The following DMRT1 variants were observed in gnomAD, a reference collection of about 807,000 sequenced individuals.
DMRT1 encodes the protein doublesex and mab-3 related transcription factor 1.
DMRT1 carries 7 observed loss-of-function variants against 32.3 expected under a neutral mutation model. The ratio of observed to expected loss-of-function variants is 0.22; its 90% CI spans 0.12 to 0.41. The LOEUF (loss-of-function observed/expected upper bound fraction) is 0.41, where lower values mean the gene tolerates loss of function less well. DMRT1 is among the 10% of genes least tolerant of loss of function. DMRT1 has a pLI of 1.00. For synonymous variants in DMRT1, 278 were observed against 206.1 expected (o/e 1.35, Z -2.99); for missense variants, 625 against 500.5 (o/e 1.25, Z -2.37).
At chr9:853,743 G>A (rs1375587759) in intron 2 of DMRT1, among the ~76,000 whole-genome samples, 1 of 151,752 alleles carries the variant, frequency 6.6e-6, no homozygotes, top group African/African-American at 2.4e-5. Flanking sequence ...GACCTCAGGT[G>A]CTCCGCCTGC....
chr9:877,056 G>A (rs12343277), intron 2 of DMRT1, among the ~76,000 whole-genome samples: 6,936 of 122,764 alleles, frequency 0.056, 524 homozygotes, highest in African/African-American at 0.17. Context: ...CTCTCTGGGT[G>A]TAGAAACAAG....
intron 4 of DMRT1, among the ~76,000 whole-genome samples, chr9:934,883 C>A (rs1250930467): frequency 6.6e-6 from 1 of 152,126 alleles, no homozygotes; most frequent in East Asian, 1.9e-4. Context: ...ATCCTAAGCA[C>A]AAGCCTATAA....
chr9:959,358 A>G (rs1819696429), intron 4 of DMRT1, among the ~76,000 whole-genome samples: 1 of 152,184 alleles, frequency 6.6e-6, no homozygotes, highest in African/African-American at 2.4e-5. Flanking sequence ...CTGGGCTGAC[A>G]GGGTCCTGGT....
At chr9:844,555 T>C (rs936630490) in intron 1 of DMRT1, among the ~76,000 whole-genome samples, 2 of 150,868 alleles carry the variant, frequency 1.3e-5, no homozygotes, top group Non-Finnish European at 2.9e-5. Context: ...TTAAGCTTAA[T>C]TATTTAATTT....
In DMRT1 at chr9:877,239, A is replaced by G. The variant is rs532996460; in HGVS notation, c.539-16673A>G. 5.3e-5 allele frequency among the ~76,000 whole-genome samples: 8 copies of G among 152,350 alleles called. No individual in the cohort carries two copies. The East Asian group carries it at 1.5e-3, about 29-fold the overall frequency. On this transcript the variant is annotated intron_variant, in intron 2 of 4. Coordinates refer to ENST00000382276, the MANE Select transcript of DMRT1 (RefSeq NM_021951.3). ...TAATGTCAAAGAAGCTTTATTCCAAAGGAATAAAAAAATTGAGTGGTCTCG... is the reference window on the plus strand; with the variant it reads ...TAATGTCAAAGAAGCTTTATTCCAAGGGAATAAAAAAATTGAGTGGTCTCG...
chr9:907,663 G>A (rs1320494315), intron 3 of DMRT1, among the ~76,000 whole-genome samples: 1 of 152,122 alleles, frequency 6.6e-6, no homozygotes. Context: ...CTGTATTCCA[G>A]TATATATTTA....
intron 4 of DMRT1, among the ~76,000 whole-genome samples, chr9:958,527 C>G (rs1564277081): frequency 6.6e-6 from 1 of 152,108 alleles, no homozygotes; most frequent in African/African-American, 2.4e-5. Context: ...CCACCACACC[C>G]AGCTGATTTT....
chr9:853,591 G>C (rs1413604574), intron 2 of DMRT1, among the ~76,000 whole-genome samples: 2 of 151,170 alleles, frequency 1.3e-5, no homozygotes, highest in East Asian at 3.9e-4. Context: ...TCCTGTCTCA[G>C]CCTCCTGAAT....
chr9:933,247 G>A (rs539074429), intron 4 of DMRT1, among the ~76,000 whole-genome samples: 1 of 152,220 alleles, frequency 6.6e-6, no homozygotes, highest in East Asian at 1.9e-4. Context: ...CAAGGCTTAG[G>A]GTCTTTCGGG....
At chr9:885,566 T>C (rs1000100670) in intron 2 of DMRT1, among the ~76,000 whole-genome samples, 17 of 152,284 alleles carry the variant, frequency 1.1e-4, no homozygotes, top group African/African-American at 4.1e-4. Flanking sequence ...CTCTCGACGT[T>C]GAGCTGCTTG....
intron 2 of DMRT1, among the ~76,000 whole-genome samples, chr9:867,262 A>G (rs1479458431): frequency 6.6e-6 from 1 of 152,212 alleles, no homozygotes; most frequent in Non-Finnish European, 1.5e-5. Flanking sequence ...TTGTGTTTCC[A>G]GGATGCAGGA....
intron 2 of DMRT1, among the ~76,000 whole-genome samples, chr9:881,913 G>C (rs1816749376): frequency 6.6e-6 from 1 of 152,192 alleles, no homozygotes; most frequent in South Asian, 2.1e-4. Context: ...CTGGTATCTT[G>C]CCAATGGTAG....
intron 2 of DMRT1, among the ~76,000 whole-genome samples, chr9:883,414 T>C (rs1413635927): frequency 6.6e-6 from 1 of 151,934 alleles, no homozygotes; most frequent in Non-Finnish European, 1.5e-5. Context: ...TCCTCTCCCC[T>C]CAGTGAGGAG....
In DMRT1 at chr9:888,907, T is replaced by C. The variant is rs541892346; in HGVS notation, c.539-5005T>C. Reference sequence around the variant, plus strand: ...TTTGGGAGGGTAAGGCAGGAGGATATCTTGAGCCCAGGAGTTTGAGACCAG... The same window carrying C: ...TTTGGGAGGGTAAGGCAGGAGGATACCTTGAGCCCAGGAGTTTGAGACCAG... On this transcript the variant is annotated intron_variant, in intron 2 of 4. Coordinates refer to ENST00000382276, the MANE Select transcript of DMRT1 (RefSeq NM_021951.3). Among the ~76,000 whole-genome samples, 5 of 151,280 alleles carry C rather than the reference T, an allele frequency of 3.3e-5. No individual in the cohort carries two copies. In the South Asian group the frequency reaches 1.0e-3, roughly 32 times the overall value.
Position 968,073 on chromosome 9 carries a change from T to G in DMRT1, c.1056T>G (p.Leu352=), listed in dbSNP as rs1232718460. The G allele has an allele frequency of 6.2e-7, 1 of 1,614,168 alleles. No homozygotes were observed. The highest frequency in any genetic ancestry group is 1.1e-5 in the South Asian group (1 of 91,086). ...PISNKSTKAV[L]ECEPASEPSS... Reference sequence around the variant, plus strand: ...GTAACAAGAGCACAAAGGCAGTGCTTGAATGTGAGCCTGCGTCGGAGCCCA... The same window carrying G: ...GTAACAAGAGCACAAAGGCAGTGCTGGAATGTGAGCCTGCGTCGGAGCCCA... The change falls in exon 5 of 5, where the codon CTT becomes CTG. Residue 352 remains leucine (L), a synonymous_variant. Coordinates refer to ENST00000382276, the MANE Select transcript of DMRT1 (RefSeq NM_021951.3).
At chr9:878,208 C>CCCCA (rs1554749505) in intron 2 of DMRT1, among the ~76,000 whole-genome samples, 1 of 124,788 alleles carries the variant, frequency 8.0e-6, no homozygotes, top group African/African-American at 3.1e-5. Flanking sequence ...CTGCCCCCCC[C>CCCCA]CCACCCAATA....
chr9:882,928 T>A (rs1248205632), intron 2 of DMRT1, among the ~76,000 whole-genome samples: 1 of 151,706 alleles, frequency 6.6e-6, no homozygotes, highest in East Asian at 1.9e-4. Flanking sequence ...CCTGCCACCA[T>A]GCCCGGCTAA....
intron 2 of DMRT1, among the ~76,000 whole-genome samples, chr9:886,792 C>T (rs1028396956): frequency 6.6e-6 from 1 of 152,156 alleles, no homozygotes; most frequent in African/African-American, 2.4e-5. Flanking sequence ...GGCTGGCCTG[C>T]CATCTTTGCT....
At chr9:902,970 C>G (rs1817646429) in intron 3 of DMRT1, among the ~76,000 whole-genome samples, 2 of 152,138 alleles carry the variant, frequency 1.3e-5, no homozygotes, top group African/African-American at 4.8e-5. Flanking sequence ...AATGCAACTC[C>G]AAAGTCATGA....
Sources: gnomAD v4.1 joint callset for allele counts (sites outside exome capture counted in the v4.1 genomes callset) on GRCh38, gnomAD v4.1.1 for gene constraint, MANE v1.5 for transcripts, NCBI Gene and HGNC (gene_info 2026-07-23, HGNC 2026-07-21) for gene names.